The following CD33 variants were observed in gnomAD, a reference collection of about 807,000 sequenced individuals.
The protein encoded by CD33 is CD33 molecule.
CD33 carries 25 observed loss-of-function variants against 31.4 expected under a neutral mutation model. That is an observed-to-expected ratio of 0.80 (90% CI 0.58 to 1.11). CD33 has a LOEUF of 1.11. Among genes scored for constraint, CD33 ranks in the 50% most tolerant of loss-of-function variants. The pLI is 0.00. For synonymous variants in CD33, 176 were observed against 180.6 expected (o/e 0.97, Z 0.20); for missense variants, 407 against 448.1 (o/e 0.91, Z 0.83).
In CD33 at chr19:51,235,697, G is replaced by A. The variant is rs1012632619; in HGVS notation, c.924+21G>A. 20 of 1,599,258 alleles carry A rather than the reference G, an allele frequency of 1.3e-5. No homozygotes were observed. The East Asian group carries it at 4.0e-4, about 32-fold the overall frequency. ...CCCCGGTGAGTGATGGGGCATCCTG[G>A]CATCCAGTCTGTCCTGCAGACACCT... On this transcript the variant is annotated intron_variant, in intron 6 of 6. Transcript: ENST00000262262.
At chr19:51,234,075 TG>T (rs1981611254) in intron 4 of CD33, among the ~76,000 whole-genome samples, 1 of 152,170 alleles carries the variant, frequency 6.6e-6, no homozygotes, top group African/African-American at 2.4e-5. Flanking sequence ...GAGTAGTTTT[TG>T]TTTCACAGCA....
chr19:51,217,752 G>A, the CD33 span, among the ~76,000 whole-genome samples: 2 of 152,118 alleles, frequency 1.3e-5, no homozygotes, highest in Admixed American at 1.3e-4. Flanking sequence ...CTATGCCCAT[G>A]TATACACATT....
At chr19:51,223,692 T>C (rs564435547), upstream of CD33, among the ~76,000 whole-genome samples, 1 of 152,354 alleles carries the variant, frequency 6.6e-6, no homozygotes, top group East Asian at 1.9e-4. Flanking sequence ...AAGTTTTTTC[T>C]GCACTGGTTC....
upstream of CD33, among the ~76,000 whole-genome samples, chr19:51,221,754 T>C (rs1265949594): frequency 6.6e-6 from 1 of 152,152 alleles, no homozygotes; most frequent in African/African-American, 2.4e-5. Context: ...ACAATCTGAA[T>C]GCTCCTCAAA....
chr19:51,216,888 A>C, the CD33 span, among the ~76,000 whole-genome samples: 1 of 152,188 alleles, frequency 6.6e-6, no homozygotes, highest in Non-Finnish European at 1.5e-5. Flanking sequence ...CTCTGTGTGT[A>C]TATAAGCAAA....
intron 6 of CD33, chr19:51,238,041 C>T (rs1409260925): frequency 6.6e-6 from 1 of 152,218 alleles, no homozygotes; most frequent in East Asian, 1.9e-4. Flanking sequence ...ACGGGCTCTG[C>T]TCGATAAGTG....
In CD33 at chr19:51,239,767, A is replaced by T; in HGVS notation, c.*79A>T. 8.6e-7 allele frequency: 1 copy of T among 1,169,206 alleles called. No individual in the cohort carries two copies. Among genetic ancestry groups the T allele is most frequent in the South Asian group, 1.5e-5 (1 of 65,600 alleles). 72.4% of individuals were successfully genotyped at this position (1,169,206 alleles called of 1,614,324 possible). On this transcript the variant is annotated 3_prime_UTR_variant, in exon 7 of 7. Coordinates refer to ENST00000262262, the MANE Select transcript of CD33 (RefSeq NM_001772.4). ...GGGGACCAAAGGCTGATTCTTGGAG[A>T]TTTAACACCCCACAGGCAATGGGTT...
At chr19:51,226,190 G>A in intron 3 of CD33, 109 bp downstream of exon 3, 1 of 1,515,350 alleles carries the variant, frequency 6.6e-7, no homozygotes, top group Non-Finnish European at 9.1e-7. Context: ...TCGGGAGCCA[G>A]AAGGACATGA....
chr19:51,225,748 G>C, intron 2 of CD33, 55 bp from the exon 3 acceptor site: 1 of 1,573,914 alleles, frequency 6.4e-7, no homozygotes, highest in Non-Finnish European at 8.7e-7. Flanking sequence ...TCTTCTCTCA[G>C]GCCCTCACCT....
At chr19:51,236,227 T>C in intron 6 of CD33, 1 of 233,770 alleles carries the variant, frequency 4.3e-6, no homozygotes, top group South Asian at 5.7e-5. Flanking sequence ...CAAGGCCATA[T>C]GGAGAAGCAC....
chr19:51,225,701 C>T, intron 2 of CD33, 102 bp from the exon 3 acceptor site: 1 of 1,537,806 alleles, frequency 6.5e-7, no homozygotes, highest in Non-Finnish European at 8.8e-7. Context: ...GGGGTAAAGC[C>T]TGTCGTGCTT....
chr19:51,230,280 A>G (rs889611308), intron 4 of CD33, among the ~76,000 whole-genome samples: 1 of 150,656 alleles, frequency 6.6e-6, no homozygotes, highest in Admixed American at 6.6e-5. Context: ...TTTGTGTTCT[A>G]ACATATGGTC....
intron 4 of CD33, among the ~76,000 whole-genome samples, chr19:51,234,522 C>A (rs2123289103): frequency 6.6e-6 from 1 of 152,256 alleles, no homozygotes; most frequent in Middle Eastern, 3.4e-3. Context: ...TTAATAATGG[C>A]ATCTGGCACC....
chr19:51,217,149 G>T, the CD33 span, among the ~76,000 whole-genome samples: 1 of 152,140 alleles, frequency 6.6e-6, no homozygotes, highest in East Asian at 1.9e-4. Flanking sequence ...AGGCCTGAGC[G>T]GGTCAAGGCA....
intron 6 of CD33, chr19:51,238,251 A>G (rs775719952): frequency 5.9e-5 from 9 of 152,204 alleles, no homozygotes; most frequent in Non-Finnish European, 1.3e-4. Context: ...TGTATATCAA[A>G]CATTATTTTG....
At chr19:51,235,445 A>T in intron 5 of CD33, 150 bp from the exon 6 acceptor site, 1 of 1,382,096 alleles carries the variant, frequency 7.2e-7, no homozygotes, top group Non-Finnish European at 9.7e-7. Flanking sequence ...AAGGAGTGGG[A>T]GGTAGAGGGA....
chr19:51,231,402 T>C (rs533398443), intron 4 of CD33, among the ~76,000 whole-genome samples: 2 of 152,388 alleles, frequency 1.3e-5, no homozygotes, highest in Non-Finnish European at 2.9e-5. Context: ...GTGTTGGATC[T>C]GATCACCCCA....
In CD33 at chr19:51,225,241, T is replaced by A. The variant is rs3987760; in HGVS notation, c.61T>A (p.Phe21Ile). 61 of 1,613,222 alleles carry A rather than the reference T, an allele frequency of 3.8e-5. No individual in the cohort carries two copies. Among genetic ancestry groups the A allele is most frequent in the Admixed American group, 1.2e-4 (7 of 59,978 alleles). ...AGGGGCCCTGGCTATGGATCCAAATTTCTGGCTGCAAGTGCAGGAGTCAGT... is the reference window on the plus strand; with the variant it reads ...AGGGGCCCTGGCTATGGATCCAAATATCTGGCTGCAAGTGCAGGAGTCAGT... ...WAGALAMDPNFWLQVQESVTV... is the reference protein window; with the variant it reads ...WAGALAMDPNIWLQVQESVTV... Residue 21 changes from phenylalanine to isoleucine, a missense_variant, in exon 2 of 7, where the codon TTC (phenylalanine) becomes ATC (isoleucine). Physicochemically the swap from Phe to Ile is conservative, Grantham distance 21. Transcript: ENST00000262262.
the CD33 span, among the ~76,000 whole-genome samples, chr19:51,216,178 T>C: frequency 1.3e-5 from 2 of 151,360 alleles, no homozygotes; most frequent in Non-Finnish European, 2.9e-5. Context: ...TCCTGCCAAG[T>C]CCAGGTCCTG....
Sources: gnomAD v4.1 joint callset for allele counts (sites outside exome capture counted in the v4.1 genomes callset) on GRCh38, gnomAD v4.1.1 for gene constraint, MANE v1.5 for transcripts, NCBI Gene and HGNC (gene_info 2026-07-23, HGNC 2026-07-21) for gene names.